RAB3A: variants seen among roughly 807,000 people sequenced by gnomAD.
The protein encoded by RAB3A is ras-related protein Rab-3A.
In RAB3A, 5 loss-of-function variants were observed where a neutral mutation model predicts 19.7. The observed-to-expected ratio is 0.25, with a 90% CI of 0.13 to 0.53. The LOEUF (loss-of-function observed/expected upper bound fraction) is 0.53, where lower values mean the gene tolerates loss of function less well. Ranked by LOEUF, RAB3A falls within the 20% of genes least tolerant of loss-of-function variation. RAB3A has a pLI of 0.95. For missense variants in RAB3A, 189 were observed against 305.6 expected (o/e 0.62, Z 2.85); for synonymous variants, 119 against 122.1 (o/e 0.97, Z 0.17).
In RAB3A at chr19:18,202,751, C is replaced by T. The variant is rs1967630114; in HGVS notation, c.1-11G>A. On this transcript the variant is annotated splice_polypyrimidine_tract_variant and intron_variant, in intron 1 of 4. Transcript: ENST00000222256. The surrounding 1 kb of genome is among the most constrained non-coding windows in gnomAD (Gnocchi z 4.2). ...TGTGGCGGATGCCATCTGGGGATAC[C>T]GGGTGTAGCAGAGCCGTGAGGGGGG... 1 of 1,608,700 alleles carries T rather than the reference C, an allele frequency of 6.2e-7. No individual in the cohort carries two copies. The highest frequency in any genetic ancestry group is 1.3e-5 in the African/African-American group (1 of 74,752).
At position 18,201,249 on chromosome 19, in the gene RAB3A, C is replaced by CA. The variant is rs111370852; in HGVS notation, c.229-805dup. ...AGACTCCGTCTCAAAACAATAACAA[C>CA]AAAAAAAAAAAAAAAAAGAAAGAAA... On this transcript the variant is annotated intron_variant, in intron 2 of 4. Coordinates refer to ENST00000222256, the MANE Select transcript of RAB3A (RefSeq NM_002866.5). Among the ~76,000 whole-genome samples, 66 of 113,252 alleles carry CA rather than the reference C, an allele frequency of 5.8e-4. 1 individual carries two copies. Among genetic ancestry groups the CA allele is most frequent in the African/African-American group, 1.5e-3 (41 of 27,164 alleles). 74.3% of individuals were successfully genotyped at this position (113,252 alleles called of 152,430 possible). A position where few individuals can be genotyped will look rare whatever the true frequency, so the allele number is the denominator to read the frequency against.
At chr19:18,203,679 C>A (rs759071069) in intron 1 of RAB3A, among the ~76,000 whole-genome samples, 1 of 152,234 alleles carries the variant, frequency 6.6e-6, no homozygotes, top group Non-Finnish European at 1.5e-5. Context: ...CTCCCCTCCC[C>A]CTCCGCCGCA....
At position 18,202,756 on chromosome 19, in the gene RAB3A, G is replaced by A. The variant is rs1967630323; in HGVS notation, c.1-16C>T. 3 of 1,606,274 alleles carry A rather than the reference G, an allele frequency of 1.9e-6. No homozygotes were observed. In the African/African-American group the frequency reaches 4.0e-5, roughly 21 times the overall value. On this transcript the variant is annotated splice_polypyrimidine_tract_variant and intron_variant, in intron 1 of 4. Coordinates refer to ENST00000222256, the MANE Select transcript of RAB3A (RefSeq NM_002866.5). The surrounding 1 kb of genome is among the most constrained non-coding windows in gnomAD (Gnocchi z 4.2). ...CGGATGCCATCTGGGGATACCGGGTGTAGCAGAGCCGTGAGGGGGGCTCTC... is the reference window on the plus strand; with the variant it reads ...CGGATGCCATCTGGGGATACCGGGTATAGCAGAGCCGTGAGGGGGGCTCTC...
intron 4 of RAB3A, 121 bp downstream of exon 4, chr19:18,198,604 G>A (rs1411486128): frequency 9.3e-6 from 12 of 1,292,604 alleles, no homozygotes; most frequent in Non-Finnish European, 1.3e-5. Flanking sequence ...CCTGGATGAA[G>A]GCTAGTTTGC....
At chr19:18,201,263 A>AAAAAAAAAAAAAAAAAAAAAG (rs1555819266) in intron 2 of RAB3A, among the ~76,000 whole-genome samples, 1 of 121,778 alleles carries the variant, frequency 8.2e-6, no homozygotes, top group Non-Finnish European at 1.7e-5. Context: ...AAAAAAAAAA[A>AAAAAAAAAAAAAAAAAAAAAG]AAAGAAAGAA....
intron 4 of RAB3A, among the ~76,000 whole-genome samples, chr19:18,197,873 CTT>C (rs56264905): frequency 8.9e-5 from 8 of 90,174 alleles, no homozygotes; most frequent in Middle Eastern, 6.1e-3. Context: ...GCATTTCCTG[CTT>C]TTTTTTTTTT....
intron 4 of RAB3A, 84 bp from the exon 5 acceptor site, chr19:18,197,744 C>T (rs1967551236): frequency 8.1e-7 from 1 of 1,227,432 alleles, no homozygotes; most frequent in Non-Finnish European, 1.1e-6. Context: ...AAAGGGAACA[C>T]CTGGAGATTC....
chr19:18,202,597 C>G lies in RAB3A; in HGVS notation c.144G>C (p.Thr48=). 1 of 1,614,180 alleles carries G rather than the reference C, an allele frequency of 6.2e-7. No individual in the cohort carries two copies. The highest frequency in any genetic ancestry group is 8.5e-7 in the Non-Finnish European group (1 of 1,180,046). The change falls in exon 2 of 5, where the codon ACG becomes ACC. Residue 48 remains threonine (T), a synonymous_variant. Coordinates refer to ENST00000222256, the MANE Select transcript of RAB3A (RefSeq NM_002866.5). This position sits in a 1 kb window ranked among gnomAD's most constrained non-coding sequence, Gnocchi z 4.2. ...FLFRYADDSF[T]PAFVSTVGID... Reference sequence around the variant, plus strand: ...TGCCCACGGTGCTGACGAAGGCAGGCGTGAACGAGTCGTCAGCATAGCGGA... The same window carrying G: ...TGCCCACGGTGCTGACGAAGGCAGGGGTGAACGAGTCGTCAGCATAGCGGA...
intron 2 of RAB3A, among the ~76,000 whole-genome samples, chr19:18,201,358 G>T (rs998388960): frequency 2.0e-5 from 3 of 152,056 alleles, no homozygotes; most frequent in African/African-American, 7.2e-5. Context: ...AAGACAGGTG[G>T]ATCACTTGTG....
At position 18,202,702 on chromosome 19, in the gene RAB3A, C is replaced by T. The variant is rs77116192; in HGVS notation, c.39G>A (p.Glu13=). 4 of 1,614,176 alleles carry T rather than the reference C, an allele frequency of 2.5e-6. No individual in the cohort carries two copies. In the Admixed American group the frequency reaches 6.7e-5, roughly 27 times the overall value. Residue 13 remains glutamate, a synonymous_variant, in exon 2 of 5, where the codon GAG becomes GAA. Transcript: ENST00000222256. This position sits in a 1 kb window ranked among gnomAD's most constrained non-coding sequence, Gnocchi z 4.2. ...SATDSRYGQK[E]SSDQNFDYMF... ...TGTAGTCGAAGTTCTGATCCGAGGA[C>T]TCCTTCTGCCCATAGCGCGAGTCTG...
rs751257659 is a variant in RAB3A at position 18,197,581 on chromosome 19, G to A, written c.552C>T (p.Cys184=). 2.5e-5 allele frequency: 40 copies of A among 1,613,932 alleles called. No homozygotes were observed. The African/African-American group carries it at 2.7e-4, about 11-fold the overall frequency. ...TGTCCAACGACTCGGACATCTTCTCGCAGATGACATCCACCAGGCGCTCAA... is the reference window on the plus strand; with the variant it reads ...TGTCCAACGACTCGGACATCTTCTCACAGATGACATCCACCAGGCGCTCAA... ...QTFERLVDVI[C]EKMSESLDTA... is the part of the protein sequence containing the mutation. The change falls in exon 5 of 5, where the codon TGC becomes TGT. Residue 184 remains cysteine (C), a synonymous_variant. Coordinates refer to ENST00000222256, the MANE Select transcript of RAB3A (RefSeq NM_002866.5).
intron 1 of RAB3A, among the ~76,000 whole-genome samples, chr19:18,203,591 C>G (rs1300318211): frequency 6.6e-6 from 1 of 152,158 alleles, no homozygotes; most frequent in Non-Finnish European, 1.5e-5. Context: ...CACAGGCAGG[C>G]GCGCACACGC....
At position 18,197,555 on chromosome 19, in the gene RAB3A, G is replaced by A. The variant is rs776513471; in HGVS notation, c.578C>T (p.Thr193Met). Residue 193 changes from threonine (T) to methionine (M), a missense_variant, in exon 5 of 5, where the codon ACG (threonine) becomes ATG (methionine). Coordinates refer to ENST00000222256, the MANE Select transcript of RAB3A (RefSeq NM_002866.5). ...ICEKMSESLD[T>M]ADPAVTGAKQ... ...GGCGCCTGTGACCGCAGGGTCCGCC[G>A]TGTCCAACGACTCGGACATCTTCTC... 12 of 1,613,734 alleles carry A rather than the reference G, an allele frequency of 7.4e-6. No homozygotes were observed. The highest frequency in any genetic ancestry group is 1.3e-5 in the African/African-American group (1 of 74,894).
chr19:18,197,575 C>T lies in RAB3A; in HGVS notation c.558G>A (p.Lys186=). The change falls in exon 5 of 5, where the codon AAG becomes AAA. Residue 186 remains lysine, a synonymous_variant. Coordinates refer to ENST00000222256, the MANE Select transcript of RAB3A (RefSeq NM_002866.5). ...FERLVDVICE[K]MSESLDTADP... Reference sequence around the variant, plus strand: ...CCGCCGTGTCCAACGACTCGGACATCTTCTCGCAGATGACATCCACCAGGC... The same window carrying T: ...CCGCCGTGTCCAACGACTCGGACATTTTCTCGCAGATGACATCCACCAGGC... The T allele has an allele frequency of 6.2e-7, 1 of 1,614,064 alleles. No homozygotes were observed. The highest frequency in any genetic ancestry group is 1.3e-5 in the African/African-American group (1 of 75,032).
At chr19:18,200,513 G>C in intron 2 of RAB3A, 68 bp from the exon 3 acceptor site, 11 of 1,317,120 alleles carry the variant, frequency 8.4e-6, no homozygotes, top group Non-Finnish European at 1.2e-5. Context: ...AATGAGCTCT[G>C]ATATCATCCA....
Position 18,200,405 on chromosome 19 carries a change from G to A in RAB3A, c.269C>T (p.Ala90Val). The A allele has an allele frequency of 6.2e-7, 1 of 1,614,032 alleles. No individual in the cohort carries two copies. The highest frequency in any genetic ancestry group is 8.5e-7 in the Non-Finnish European group (1 of 1,179,960). Residue 90 changes from alanine (A) to valine (V), a missense_variant, in exon 3 of 5, where the codon GCA becomes GTA. By Grantham distance (64) the Ala-to-Val change is moderately conservative (BLOSUM62 0). Coordinates refer to ENST00000222256, the MANE Select transcript of RAB3A (RefSeq NM_002866.5). Reference protein sequence around the residue: ...GQERYRTITTAYYRGAMGFIL... With the variant: ...GQERYRTITTVYYRGAMGFIL... ...GAAGCCCATAGCGCCCCGGTAGTAT[G>A]CGGTGGTGATGGTCCGGTACCGCTC...
intron 4 of RAB3A, 36 bp downstream of exon 4, chr19:18,198,689 T>A: frequency 6.2e-7 from 1 of 1,612,288 alleles, no homozygotes; most frequent in Non-Finnish European, 8.5e-7. Flanking sequence ...GTCCTTTTTC[T>A]AGACTTGTGG....
At chr19:18,201,335 A>C (rs1600032204) in intron 2 of RAB3A, among the ~76,000 whole-genome samples, 2 of 151,642 alleles carry the variant, frequency 1.3e-5, no homozygotes, top group Non-Finnish European at 2.9e-5. Flanking sequence ...TAATCCCAGC[A>C]CCTTGGGAGG....
At chr19:18,198,901 AC>A in intron 3 of RAB3A, 52 bp from the exon 4 acceptor site, 1 of 1,588,106 alleles carries the variant, frequency 6.3e-7, no homozygotes, top group Non-Finnish European at 8.6e-7. Context: ...TCCCAGCTCC[AC>A]CCTGACGGGC....
Sources: gnomAD v4.1 joint callset for allele counts (sites outside exome capture counted in the v4.1 genomes callset) on GRCh38, gnomAD v4.1.1 for gene constraint, Gnocchi (gnomAD v3.1) non-coding constraint, MANE v1.5 for transcripts, NCBI Gene and HGNC (gene_info 2026-07-23, HGNC 2026-07-21) for gene names.